The following CHL1 variants were observed in gnomAD, a reference collection of about 807,000 sequenced individuals.
The protein encoded by CHL1 is neural cell adhesion molecule L1-like protein.
In CHL1, 96 loss-of-function variants were observed where a neutral mutation model predicts 141.9. The observed-to-expected ratio is 0.68, with a 90% CI of 0.57 to 0.80. The LOEUF is 0.80. Ranked by LOEUF, CHL1 falls within the 30% of genes least tolerant of loss-of-function variation. CHL1 has a pLI of 0.00. For missense variants in CHL1, 1,820 were observed against 1,457.2 expected (o/e 1.25, Z -4.05); for synonymous variants, 613 against 502.2 (o/e 1.22, Z -2.95).
chr3:371,110 C>G (rs1404857878), intron 15 of CHL1, among the ~76,000 whole-genome samples: 2 of 152,202 alleles, frequency 1.3e-5, no homozygotes, highest in Admixed American at 1.3e-4. Context: ...CTGTAGATGT[C>G]TATTAGGTCT....
chr3:385,415 A>G (rs531855430), intron 19 of CHL1, among the ~76,000 whole-genome samples: 2 of 152,330 alleles, frequency 1.3e-5, no homozygotes, highest in African/African-American at 4.8e-5. Flanking sequence ...TATGGAAAAA[A>G]GGCCAGAAAT....
chr3:294,756 G>C (rs1301760842), intron 2 of CHL1, among the ~76,000 whole-genome samples: 1 of 151,942 alleles, frequency 6.6e-6, no homozygotes, highest in East Asian at 1.9e-4. Context: ...CACATCCCAG[G>C]GTAGAATACC....
intron 2 of CHL1, among the ~76,000 whole-genome samples, chr3:296,466 A>G (rs1466079916): frequency 6.6e-6 from 1 of 151,054 alleles, no homozygotes; most frequent in African/African-American, 2.4e-5. Context: ...TCACTTCTTT[A>G]TTATTTGTCA....
chr3:298,490 C>T (rs1194953885), intron 2 of CHL1, among the ~76,000 whole-genome samples: 1 of 152,172 alleles, frequency 6.6e-6, no homozygotes, highest in Non-Finnish European at 1.5e-5. Flanking sequence ...TTAAAATCTC[C>T]ATTTATATTC....
chr3:250,820 G>C (rs879303074), intron 2 of CHL1, among the ~76,000 whole-genome samples: 1 of 152,110 alleles, frequency 6.6e-6, no homozygotes, highest in East Asian at 1.9e-4. Flanking sequence ...TGAAAAGGAA[G>C]GTAATCCTCT....
At chr3:255,468 C>T (rs536349490) in intron 2 of CHL1, among the ~76,000 whole-genome samples, 1 of 151,500 alleles carries the variant, frequency 6.6e-6, no homozygotes, top group African/African-American at 2.4e-5. Context: ...GGCTCAGATA[C>T]ACACTGTTGA....
Position 242,438 on chromosome 3 carries a change from T to C in CHL1, c.-174-2175T>C, listed in dbSNP as rs1333402868. 1.7e-4 allele frequency among the ~76,000 whole-genome samples: 23 copies of C among 134,334 alleles called. 1 individual carries two copies. The highest frequency in any genetic ancestry group is 1.6e-3 in the Admixed American group (21 of 12,874). 88.1% of individuals were successfully genotyped at this position (134,334 alleles called of 152,430 possible). A position where few individuals can be genotyped will look rare whatever the true frequency, so the allele number is the denominator to read the frequency against. The stretch of plus-strand genomic sequence containing the variant: ...GGTGAAACCCCGTCTCTACTAAAAA[T>C]ACAAAAAATTATCCCGGCGTGGTGG... On this transcript the variant is annotated intron_variant, in intron 1 of 27. Coordinates refer to ENST00000256509, the MANE Select transcript of CHL1 (RefSeq NM_006614.4).
intron 15 of CHL1, among the ~76,000 whole-genome samples, chr3:369,420 G>A (rs577668705): frequency 6.6e-6 from 1 of 152,266 alleles, no homozygotes; most frequent in South Asian, 2.1e-4. Flanking sequence ...TGGTGTAAAG[G>A]AATGCTTGTG....
chr3:324,633 A>G, intron 3 of CHL1, among the ~76,000 whole-genome samples: 1 of 140,270 alleles, frequency 7.1e-6, no homozygotes, highest in East Asian at 2.0e-4. Context: ...TTATTTATTT[A>G]TTTATTTATT....
chr3:254,503 A>T (rs1419253825), intron 2 of CHL1, among the ~76,000 whole-genome samples: 4 of 152,170 alleles, frequency 2.6e-5, no homozygotes, highest in African/African-American at 7.2e-5. Flanking sequence ...TTTAGCTGGG[A>T]TACAGGGAGC....
At chr3:241,487 G>C (rs900902226) in intron 1 of CHL1, among the ~76,000 whole-genome samples, 2 of 152,172 alleles carry the variant, frequency 1.3e-5, no homozygotes, top group Admixed American at 1.3e-4. Flanking sequence ...CACCAGCCAT[G>C]GGTAGGTTGT....
chr3:315,747 C>T (rs754891136), intron 2 of CHL1, among the ~76,000 whole-genome samples: 3 of 152,042 alleles, frequency 2.0e-5, no homozygotes, highest in Non-Finnish European at 4.4e-5. Context: ...CAGGAAGGTT[C>T]CATTGCATTG....
intron 8 of CHL1, 132 bp downstream of exon 8, chr3:343,163 G>T (rs1702473845): frequency 1.6e-6 from 1 of 624,390 alleles, no homozygotes; most frequent in African/African-American, 1.9e-5. Context: ...GAACTTAGAG[G>T]GTTCTATTGC....
intron 2 of CHL1, among the ~76,000 whole-genome samples, chr3:266,718 G>T (rs1281391331): frequency 1.3e-5 from 2 of 152,176 alleles, no homozygotes; most frequent in African/African-American, 4.8e-5. Context: ...ATTGTCCTGA[G>T]AAATGTTAGC....
chr3:403,564 A>G (rs1270063218), intron 27 of CHL1, among the ~76,000 whole-genome samples: 2 of 152,022 alleles, frequency 1.3e-5, no homozygotes, highest in African/African-American at 4.8e-5. Context: ...AAACAAAAAC[A>G]CAAACAAACA....
chr3:309,873 T>TTA (rs1699610502), intron 2 of CHL1, among the ~76,000 whole-genome samples: 3 of 152,160 alleles, frequency 2.0e-5, no homozygotes, highest in Non-Finnish European at 4.4e-5. Flanking sequence ...TAATCAAACA[T>TTA]TATATATATT....
At chr3:199,916 T>A (rs1220724700) in intron 1 of CHL1, among the ~76,000 whole-genome samples, 3 of 152,186 alleles carry the variant, frequency 2.0e-5, no homozygotes, top group African/African-American at 7.2e-5. Context: ...TAAGTAATAG[T>A]TGGGGAACTA....
intron 4 of CHL1, 101 bp from the exon 5 acceptor site, chr3:328,066 A>T (rs1055987463): frequency 2.4e-6 from 2 of 843,262 alleles, no homozygotes; most frequent in Non-Finnish European, 3.6e-6. Context: ...ACTTTTTATC[A>T]TAAAATGTCT....
chr3:323,015 A>G (rs1423237544), intron 3 of CHL1, among the ~76,000 whole-genome samples: 1 of 152,064 alleles, frequency 6.6e-6, no homozygotes, highest in African/African-American at 2.4e-5. Flanking sequence ...ACTGGGAAGT[A>G]GATATAAAAT....
Sources: allele counts gnomAD v4.1 joint callset (sites outside exome capture counted in the v4.1 genomes callset), GRCh38; gene constraint gnomAD v4.1.1; transcripts MANE v1.5; gene names NCBI Gene and HGNC (gene_info 2026-07-23, HGNC 2026-07-21).